Variants in ENOX1 observed in about 807,000 individuals in gnomAD.
ENOX1 encodes the protein ecto-NOX disulfide-thiol exchanger 1.
In ENOX1, 42 loss-of-function variants were observed where a neutral mutation model predicts 82.5. That is an observed-to-expected ratio of 0.51 (90% CI 0.40 to 0.66). ENOX1 has a LOEUF of 0.66. Among genes scored for constraint, ENOX1 ranks in the 30% least tolerant of loss-of-function variants. ENOX1 has a pLI of 0.00. For synonymous variants in ENOX1, 271 were observed against 282.2 expected, an observed-to-expected ratio of 0.96 and a Z score of 0.40; for missense variants, 608 against 811.6, an observed-to-expected ratio of 0.75 and a Z score of 3.05.
intron 5 of ENOX1, among the ~76,000 whole-genome samples, chr13:43,372,541 AACAGGG>A (rs2051311600): frequency 6.6e-6 from 1 of 152,164 alleles, no homozygotes; most frequent in Non-Finnish European, 1.5e-5. Flanking sequence ...TCAGGACAGG[AACAGGG>A]ACAGGAGAGG....
chr13:43,241,345 A>G (rs1298735890), intron 14 of ENOX1, among the ~76,000 whole-genome samples: 1 of 152,224 alleles, frequency 6.6e-6, no homozygotes, highest in African/African-American at 2.4e-5. Flanking sequence ...AGTCTACCAG[A>G]TATTCCAGAA....
chr13:43,308,373 C>A (rs1476592299), intron 11 of ENOX1, among the ~76,000 whole-genome samples: 1 of 152,140 alleles, frequency 6.6e-6, no homozygotes, highest in African/African-American at 2.4e-5. Flanking sequence ...TTGTTTTCTT[C>A]TCATTCCCAC....
intron 2 of ENOX1, among the ~76,000 whole-genome samples, chr13:43,526,520 C>T (rs1364349182): frequency 6.6e-6 from 1 of 152,006 alleles, no homozygotes; most frequent in Non-Finnish European, 1.5e-5. Context: ...GTTCTTTGAA[C>T]TAGAAGGCCA....
chr13:43,499,406 T>C (rs749872729), intron 2 of ENOX1, among the ~76,000 whole-genome samples: 97 of 152,102 alleles, frequency 6.4e-4, no homozygotes, highest in Non-Finnish European at 1.3e-3. Flanking sequence ...GTAACAGCTA[T>C]AACCACTACT....
chr13:43,755,993 CAT>C (rs1266713786), intron 1 of ENOX1, among the ~76,000 whole-genome samples: 1 of 152,202 alleles, frequency 6.6e-6, no homozygotes. Flanking sequence ...TCAGCCAGGT[CAT>C]ATGAGACAGT....
At chr13:43,785,582 G>A (rs1952524926) in intron 1 of ENOX1, among the ~76,000 whole-genome samples, 1 of 152,188 alleles carries the variant, frequency 6.6e-6, no homozygotes, top group African/African-American at 2.4e-5. Flanking sequence ...TGTTACAGCA[G>A]TGAAAGATTG....
chr13:43,336,465 T>C (rs1456351511), intron 9 of ENOX1, among the ~76,000 whole-genome samples: 1 of 152,270 alleles, frequency 6.6e-6, no homozygotes, highest in African/African-American at 2.4e-5. Context: ...CCTGCGCAGC[T>C]GTCTTTGACA....
intron 2 of ENOX1, among the ~76,000 whole-genome samples, chr13:43,655,481 C>G (rs2084387681): frequency 6.6e-6 from 1 of 151,806 alleles, no homozygotes; most frequent in Admixed American, 6.6e-5. Flanking sequence ...AAGTCAAATT[C>G]CTTCTCCTTC....
At chr13:43,674,650 C>T (rs576321476) in intron 1 of ENOX1, among the ~76,000 whole-genome samples, 2 of 152,204 alleles carry the variant, frequency 1.3e-5, no homozygotes, top group African/African-American at 4.8e-5. Flanking sequence ...CTGTATGATA[C>T]TACGAGTGGA....
intron 1 of ENOX1, among the ~76,000 whole-genome samples, chr13:43,705,840 C>T (rs1225931523): frequency 3.9e-5 from 6 of 151,942 alleles, no homozygotes; most frequent in African/African-American, 9.7e-5. Context: ...GAATAGTAAA[C>T]TCAACAAAGC....
chr13:43,364,233 G>T (rs754309624), intron 5 of ENOX1, among the ~76,000 whole-genome samples: 43 of 152,184 alleles, frequency 2.8e-4, no homozygotes, highest in Non-Finnish European at 5.6e-4. Flanking sequence ...AGGGGAGAAG[G>T]CAGCGCAACC....
At chr13:43,720,355 C>G (rs987748362) in intron 1 of ENOX1, among the ~76,000 whole-genome samples, 3 of 152,190 alleles carry the variant, frequency 2.0e-5, no homozygotes, top group Admixed American at 2.0e-4. Context: ...TTCCTTCATA[C>G]GGAAGCCCGT....
chr13:43,577,091 T>G (rs920018383), intron 2 of ENOX1, among the ~76,000 whole-genome samples: 5 of 152,046 alleles, frequency 3.3e-5, no homozygotes, highest in Non-Finnish European at 5.9e-5. Context: ...AGTAACTGCT[T>G]AATGGGTATG....
At chr13:43,766,355 C>A (rs1197471558) in intron 1 of ENOX1, among the ~76,000 whole-genome samples, 2 of 152,162 alleles carry the variant, frequency 1.3e-5, no homozygotes, top group Non-Finnish European at 2.9e-5. Flanking sequence ...TAAAGACCTA[C>A]GTTCTTTCTA....
intron 2 of ENOX1, among the ~76,000 whole-genome samples, chr13:43,647,930 G>T (rs928511538): frequency 5.9e-5 from 9 of 152,332 alleles, no homozygotes; most frequent in African/African-American, 1.7e-4. Flanking sequence ...ACCATTGCTG[G>T]CTTTGAAGAC....
At chr13:43,525,438 A>G (rs1417680546) in intron 2 of ENOX1, among the ~76,000 whole-genome samples, 1 of 152,112 alleles carries the variant, frequency 6.6e-6, no homozygotes, top group Non-Finnish European at 1.5e-5. Flanking sequence ...TGACTGGCTT[A>G]TTTCACTTAA....
At position 43,289,685 on chromosome 13, in the gene ENOX1, T is replaced by C. The variant is rs2045893537; in HGVS notation, c.1446+8661A>G. On this transcript the variant is annotated intron_variant, in intron 12 of 16. Coordinates refer to ENST00000690772, the MANE Select transcript of ENOX1 (RefSeq NM_001347969.2). ...CATTGGCAAAGATTTTTTGGCTGAG[T>C]CCCCAAAAGCAATTGTAACAAAACC... Among the ~76,000 whole-genome samples, 4 of 151,958 alleles carry C rather than the reference T, an allele frequency of 2.6e-5. No homozygotes were observed. In the South Asian group the frequency reaches 8.3e-4, roughly 31 times the overall value.
At chr13:43,230,815 A>G (rs2042244306) in intron 15 of ENOX1, among the ~76,000 whole-genome samples, 1 of 152,180 alleles carries the variant, frequency 6.6e-6, no homozygotes, top group Non-Finnish European at 1.5e-5. Context: ...TAGCCCTGTT[A>G]TAGTTTAATT....
chr13:43,495,303 C>T (rs1305022942), intron 2 of ENOX1, among the ~76,000 whole-genome samples: 1 of 152,082 alleles, frequency 6.6e-6, no homozygotes, highest in Non-Finnish European at 1.5e-5. Flanking sequence ...AAAACATTTC[C>T]ATCACCCCTG....
Sources: gnomAD v4.1 joint callset for allele counts (sites outside exome capture counted in the v4.1 genomes callset) on GRCh38, gnomAD v4.1.1 for gene constraint, MANE v1.5 for transcripts, NCBI Gene and HGNC (gene_info 2026-07-23, HGNC 2026-07-21) for gene names.